CHGB: variants seen among roughly 807,000 people sequenced by gnomAD.
CHGB encodes the protein secretogranin-1.
In CHGB, 46 loss-of-function variants were observed where a neutral mutation model predicts 69.9. That is an observed-to-expected ratio of 0.66 (90% CI 0.52 to 0.84). The LOEUF is 0.84. CHGB is among the 40% of genes least tolerant of loss of function. The pLI, the probability that CHGB is intolerant of heterozygous loss-of-function variation, is 0.00. For synonymous variants in CHGB, 312 were observed against 298.2 expected, an observed-to-expected ratio of 1.05 and a Z score of -0.48; for missense variants, 796 against 822.2, an observed-to-expected ratio of 0.97 and a Z score of 0.39.
rs748723984 is a variant in CHGB at position 5,911,586 on chromosome 20, G to A, written c.-48G>A. The A allele has an allele frequency of 2.0e-6, 3 of 1,514,970 alleles. No individual in the cohort carries two copies. The highest frequency in any genetic ancestry group is 2.0e-5 in the Admixed American group (1 of 50,040). 93.8% of individuals were successfully genotyped at this position (1,514,970 alleles called of 1,614,324 possible). ...CCTTCCTCCTGCGCCTCGCTTCTCC[G>A]GTCCAGCCGCCATCTTCCTTTCCGC... On this transcript the variant is annotated 5_prime_UTR_variant, in exon 1 of 5. Transcript: ENST00000378961.
chr20:5,923,444 A>C lies in CHGB; in HGVS notation c.1300A>C (p.Thr434Pro). 1 of 1,614,146 alleles carries C rather than the reference A, an allele frequency of 6.2e-7. No individual in the cohort carries two copies. The highest frequency in any genetic ancestry group is 8.5e-7 in the Non-Finnish European group (1 of 1,180,036). Residue 434 changes from threonine (T) to proline (P), a missense_variant, in exon 4 of 5, where the codon ACC becomes CCC. Coordinates refer to ENST00000378961, the MANE Select transcript of CHGB (RefSeq NM_001819.3). Reference sequence around the variant, plus strand: ...GCCACGTGCCTATTTCATGTCTGACACCAGAGAAGAGAAAAGGTTCTTGGG... The same window carrying C: ...GCCACGTGCCTATTTCATGTCTGACCCCAGAGAAGAGAAAAGGTTCTTGGG... ...GEPRAYFMSD[T>P]REEKRFLGEG...
intron 1 of CHGB, among the ~76,000 whole-genome samples, chr20:5,912,571 G>C (rs545099343): frequency 6.6e-6 from 1 of 152,112 alleles, no homozygotes; most frequent in Non-Finnish European, 1.5e-5. Flanking sequence ...AGGGAAGATT[G>C]TAGGATTAAT....
At position 5,911,619 on chromosome 20, in the gene CHGB, C is replaced by G; in HGVS notation, c.-15C>G. 6.6e-7 allele frequency: 1 copy of G among 1,518,138 alleles called. No homozygotes were observed. Among genetic ancestry groups the G allele is most frequent in the Non-Finnish European group, 8.8e-7 (1 of 1,138,154 alleles). The allele number at this position is 1,518,138 out of a possible 1,614,324, so 94.0% of individuals were successfully genotyped here. The stretch of plus-strand genomic sequence containing the variant: ...CGCCATCTTCCTTTCCGCACAGGGG[C>G]CGCCGAGCGGGGCCATGCAGCCAAC... On this transcript the variant is annotated 5_prime_UTR_variant, in exon 1 of 5. Transcript: ENST00000378961.
intron 1 of CHGB, among the ~76,000 whole-genome samples, chr20:5,912,097 C>T (rs563762669): frequency 2.0e-5 from 3 of 152,216 alleles, no homozygotes; most frequent in South Asian, 4.1e-4. Flanking sequence ...GGCAGGAATA[C>T]ATGTATGATG....
At chr20:5,924,244 C>T in intron 4 of CHGB, 144 bp downstream of exon 4, 1 of 1,224,412 alleles carries the variant, frequency 8.2e-7, no homozygotes. Flanking sequence ...GTGGAGGCCA[C>T]CTTGGGGGTC....
chr20:5,917,362 C>G (rs1304110684), intron 3 of CHGB: 1 of 160,800 alleles, frequency 6.2e-6, no homozygotes, highest in Non-Finnish European at 1.4e-5. Flanking sequence ...TTCTCTTTGC[C>G]TTTTGCTCTT....
intron 3 of CHGB, among the ~76,000 whole-genome samples, chr20:5,920,526 G>T (rs556412168): frequency 6.6e-6 from 1 of 152,172 alleles, no homozygotes; most frequent in Non-Finnish European, 1.5e-5. Flanking sequence ...TCCTCATCTG[G>T]TGGAGACAGA....
chr20:5,915,580 A>C (rs1197537129), intron 1 of CHGB: 1 of 152,198 alleles, frequency 6.6e-6, no homozygotes, highest in South Asian at 2.1e-4. Flanking sequence ...ATCCATAACC[A>C]TGTTTTTGTC....
intron 1 of CHGB, among the ~76,000 whole-genome samples, chr20:5,915,143 C>G (rs557016095): frequency 3.6e-4 from 55 of 152,160 alleles, no homozygotes; most frequent in Non-Finnish European, 6.9e-4. Context: ...GATGGACTTA[C>G]ATGTAAATGC....
At chr20:5,919,920 T>G (rs2088503497) in intron 3 of CHGB, among the ~76,000 whole-genome samples, 1 of 152,244 alleles carries the variant, frequency 6.6e-6, no homozygotes, top group African/African-American at 2.4e-5. Context: ...ATCATTGTTT[T>G]ATGGATTTGA....
Position 5,923,743 on chromosome 20 carries a change from C to T in CHGB, c.1599C>T (p.Ser533=). 1 of 1,614,160 alleles carries T rather than the reference C, an allele frequency of 6.2e-7. No homozygotes were observed. Among genetic ancestry groups the T allele is most frequent in the Non-Finnish European group, 8.5e-7 (1 of 1,180,022 alleles). Residue 533 remains serine, a synonymous_variant, in exon 4 of 5, where the codon AGC becomes AGT. Coordinates refer to ENST00000378961, the MANE Select transcript of CHGB (RefSeq NM_001819.3). The part of the protein sequence containing the change: ...NPYYDPLQWK[S]SHFERRDNMN... ...ACTACGACCCTCTCCAGTGGAAGAG[C>T]AGCCATTTTGAAAGAAGAGACAACA...
At chr20:5,917,530 A>T (rs879382859) in intron 3 of CHGB, 4 of 154,000 alleles carry the variant, frequency 2.6e-5, no homozygotes, top group African/African-American at 7.2e-5. Context: ...AGGCCTGAGA[A>T]CTGGAAGGGT....
Position 5,922,452 on chromosome 20 carries a change from A to T in CHGB, c.308A>T (p.Glu103Val). 6.2e-7 allele frequency: 1 copy of T among 1,613,562 alleles called. No homozygotes were observed. Among genetic ancestry groups the T allele is most frequent in the South Asian group, 1.1e-5 (1 of 91,062 alleles). ...SEAHESSSRGEAGAPGEEDIQ... is the reference protein window; with the variant it reads ...SEAHESSSRGVAGAPGEEDIQ... ...GCCCACGAGTCCTCCAGCAGGGGAGAGGCAGGAGCCCCAGGGGAGGAGGAC... is the reference window on the plus strand; with the variant it reads ...GCCCACGAGTCCTCCAGCAGGGGAGTGGCAGGAGCCCCAGGGGAGGAGGAC... The change falls in exon 4 of 5, where the codon GAG (glutamate) becomes GTG (valine). Residue 103 changes from glutamate (E) to valine (V), a missense_variant. Around this residue, in one of 3 missense-constraint regions of CHGB, gnomAD observed 518 missense variants for 506.3 expected, o/e 1.02. Coordinates refer to ENST00000378961, the MANE Select transcript of CHGB (RefSeq NM_001819.3).
chr20:5,917,980 C>CAAAAAAAAAAA (rs34483659), intron 3 of CHGB: 1 of 114,260 alleles, frequency 8.8e-6, no homozygotes, highest in African/African-American at 3.2e-5. Flanking sequence ...ACTAAAAATA[C>CAAAAAAAAAAA]AAAAAAAAAA....
In CHGB at chr20:5,916,812, G is replaced by C. The variant is rs755280649; in HGVS notation, c.97-14G>C. 1.2e-6 allele frequency: 2 copies of C among 1,613,658 alleles called. No individual in the cohort carries two copies. The highest frequency in any genetic ancestry group is 1.7e-6 in the Non-Finnish European group (2 of 1,179,704). ...ATACCAGCTTCTCCAACCTGCTTTCGGGTTTCCCCCCAGGTGACTCGCTGC... is the reference window on the plus strand; with the variant it reads ...ATACCAGCTTCTCCAACCTGCTTTCCGGTTTCCCCCCAGGTGACTCGCTGC... On this transcript the variant is annotated splice_polypyrimidine_tract_variant and intron_variant, in intron 2 of 4. Transcript: ENST00000378961.
Position 5,922,704 on chromosome 20 carries a change from A to G in CHGB, c.560A>G (p.His187Arg). ...GGGGAAGATAGCAGTGAAGAGAAAC[A>G]CCTTGAAGAGCCAGGAGAGACACAA... ...ERGEDSSEEK[H>R]LEEPGETQNA... is the part of the protein sequence containing the mutation. The change falls in exon 4 of 5, where the codon CAC becomes CGC. Residue 187 changes from histidine to arginine, a missense_variant. By Grantham distance (29) the His-to-Arg change is conservative (BLOSUM62 0). Transcript: ENST00000378961. 2 of 1,614,008 alleles carry G rather than the reference A, an allele frequency of 1.2e-6. No homozygotes were observed. Among genetic ancestry groups the G allele is most frequent in the Non-Finnish European group, 1.7e-6 (2 of 1,179,900 alleles).
rs114641613 is a variant in CHGB, at chr20:5,914,869, A to G, written c.50-1457A>G. Among the ~76,000 whole-genome samples the G allele has an allele frequency of 4.5e-3, 691 of 152,302 alleles. 5 individuals are homozygous for G. The highest frequency in any genetic ancestry group is 0.015 in the African/African-American group (622 of 41,562). ...CATGCTTTGAAAAGAAAAATTTGGTAAAGTAAGTAAATGAATAGGTGTTTT... is the reference window on the plus strand; with the variant it reads ...CATGCTTTGAAAAGAAAAATTTGGTGAAGTAAGTAAATGAATAGGTGTTTT... On this transcript the variant is annotated intron_variant, in intron 1 of 4. Coordinates refer to ENST00000378961, the MANE Select transcript of CHGB (RefSeq NM_001819.3).
intron 1 of CHGB, among the ~76,000 whole-genome samples, chr20:5,915,046 A>G (rs1488665031): frequency 6.6e-6 from 1 of 152,006 alleles, no homozygotes; most frequent in Non-Finnish European, 1.5e-5. Flanking sequence ...AGCTAGCTCT[A>G]CTCTCTTCTC....
chr20:5,917,759 A>G (rs1210160360), intron 3 of CHGB: 1 of 152,188 alleles, frequency 6.6e-6, no homozygotes, highest in Non-Finnish European at 1.5e-5. Flanking sequence ...TCCAGAAAAC[A>G]CTGCCCTCTT....
Sources: allele counts gnomAD v4.1 joint callset (sites outside exome capture counted in the v4.1 genomes callset), GRCh38; gene constraint gnomAD v4.1.1; regional missense constraint gnomAD v4.1.1; transcripts MANE v1.5; gene names NCBI Gene and HGNC (gene_info 2026-07-23, HGNC 2026-07-21).